The following DPPA2 variants were observed in gnomAD, a reference collection of about 807,000 sequenced individuals.
DPPA2 encodes developmental pluripotency associated 2, also known as developmental pluripotency-associated protein 2.
In DPPA2, 26 loss-of-function variants were observed where a neutral mutation model predicts 36.2. The observed-to-expected ratio is 0.72, with a 90% CI of 0.53 to 1.00. DPPA2 has a LOEUF of 1.00. Among genes scored for constraint, DPPA2 ranks in the 50% least tolerant of loss-of-function variants. The pLI, the probability that DPPA2 is intolerant of heterozygous loss-of-function variation, is 0.00. For synonymous variants in DPPA2, 113 were observed against 123.2 expected, an observed-to-expected ratio of 0.92 and a Z score of 0.55; for missense variants, 361 against 365.1, an observed-to-expected ratio of 0.99 and a Z score of 0.09.
At chr3:109,305,255 A>G (rs1252288030) in intron 6 of DPPA2, among the ~76,000 whole-genome samples, 2 of 152,190 alleles carry the variant, frequency 1.3e-5, no homozygotes, top group African/African-American at 2.4e-5. Context: ...ATTTATGTGT[A>G]TTAATACATT....
intron 6 of DPPA2, 134 bp from the exon 7 acceptor site, chr3:109,304,804 C>G (rs1415799827): frequency 2.4e-6 from 2 of 825,406 alleles, no homozygotes; most frequent in Non-Finnish European, 3.7e-6. Flanking sequence ...AAAACCTAGA[C>G]CACATGACAC....
intron 7 of DPPA2, among the ~76,000 whole-genome samples, chr3:109,301,439 G>A (rs1707455601): frequency 1.3e-5 from 2 of 152,010 alleles, no homozygotes; most frequent in South Asian, 4.1e-4. Flanking sequence ...ATCACTTGAG[G>A]TCAGGCGTTC....
intron 1 of DPPA2, among the ~76,000 whole-genome samples, chr3:109,315,124 C>G (rs1459976790): frequency 6.6e-6 from 1 of 152,102 alleles, no homozygotes; most frequent in African/African-American, 2.4e-5. Context: ...CTGAAAATGA[C>G]AAACACTTGT....
intron 2 of DPPA2, among the ~76,000 whole-genome samples, chr3:109,313,177 A>G (rs1293350580): frequency 1.3e-5 from 2 of 152,214 alleles, no homozygotes; most frequent in Admixed American, 1.3e-4. Flanking sequence ...ATGCTTGTTG[A>G]AAATTATTCA....
intron 3 of DPPA2, among the ~76,000 whole-genome samples, chr3:109,310,393 G>A (rs1184486468): frequency 1.8e-5 from 2 of 108,528 alleles, no homozygotes; most frequent in African/African-American, 8.2e-5. Flanking sequence ...GGGCAATACA[G>A]TGAGACTCTG....
chr3:109,309,208 C>CCCG lies in DPPA2; in HGVS notation c.301_303dup (p.Arg101dup). On this transcript the variant is annotated inframe_insertion, in exon 4 of 9. Transcript: ENST00000478945. Reference sequence around the variant, plus strand: ...CTCAAACCGAGTTGTTGACACCAGTCCCGCAAAGTGTCCCGACACACCTTA... The same window carrying CCCG: ...CTCAAACCGAGTTGTTGACACCAGTCCCGCCGCAAAGTGTCCCGACACACCTTA... The CCCG allele has an allele frequency of 6.2e-7, 1 of 1,614,144 alleles. No homozygotes were observed. Among genetic ancestry groups the CCCG allele is most frequent in the Non-Finnish European group, 8.5e-7 (1 of 1,180,036 alleles).
At chr3:109,304,028 T>A (rs966791025) in intron 7 of DPPA2, among the ~76,000 whole-genome samples, 6 of 151,900 alleles carry the variant, frequency 3.9e-5, no homozygotes, top group Middle Eastern at 3.4e-3. Context: ...TCCCAGCACT[T>A]TGGGAGGCCG....
Position 109,304,603 on chromosome 3 carries a change from C to T in DPPA2, c.726G>A (p.Gln242=), listed in dbSNP as rs770364507. Residue 242 remains glutamine (Q), a synonymous_variant, in exon 7 of 9, where the codon CAG becomes CAA. Coordinates refer to ENST00000478945, the MANE Select transcript of DPPA2 (RefSeq NM_138815.4). ...SADTKGWVRL[Q]FHAGQAWVPT... ...GCACCCAGGCCTGACCTGCATGAAA[C>T]TGCAGGCGTACCCAACCCTTTGTGT... The T allele has an allele frequency of 1.9e-5, 30 of 1,613,940 alleles. No homozygotes were observed. The highest frequency in any genetic ancestry group is 2.5e-5 in the Non-Finnish European group (30 of 1,179,998).
intron 7 of DPPA2, among the ~76,000 whole-genome samples, chr3:109,302,953 CAA>C: frequency 6.6e-6 from 1 of 152,138 alleles, no homozygotes; most frequent in South Asian, 2.1e-4. Context: ...GTCCATGTCC[CAA>C]AAGTTACTGG....
intron 1 of DPPA2, among the ~76,000 whole-genome samples, chr3:109,315,517 G>A (rs962926703): frequency 2.6e-5 from 4 of 152,192 alleles, no homozygotes; most frequent in Non-Finnish European, 4.4e-5. Flanking sequence ...GACACGGAAT[G>A]TGGCAAAATA....
intron 8 of DPPA2, among the ~76,000 whole-genome samples, chr3:109,298,769 C>T (rs1707405143): frequency 6.6e-6 from 1 of 151,430 alleles, no homozygotes; most frequent in South Asian, 2.1e-4. Context: ...TGGCTCACGC[C>T]TGTAATCCCT....
chr3:109,307,803 T>TA (rs1242050801), intron 6 of DPPA2, among the ~76,000 whole-genome samples: 1 of 152,102 alleles, frequency 6.6e-6, no homozygotes, highest in African/African-American at 2.4e-5. Flanking sequence ...AGGTTATGCT[T>TA]AGTGATGGAA....
At chr3:109,299,695 A>AAAAAAG (rs1277348502) in intron 8 of DPPA2, among the ~76,000 whole-genome samples, 498 of 150,116 alleles carry the variant, frequency 3.3e-3, no homozygotes, top group African/African-American at 0.012. Flanking sequence ...TCAAAAAAAA[A>AAAAAAG]AAAAAGAAAA....
At chr3:109,296,712 T>G (rs548881412) in intron 8 of DPPA2, among the ~76,000 whole-genome samples, 2 of 149,460 alleles carry the variant, frequency 1.3e-5, no homozygotes, top group Non-Finnish European at 3.0e-5. Flanking sequence ...AGGAAAGAAA[T>G]GAGAAAATTA....
intron 7 of DPPA2, among the ~76,000 whole-genome samples, 190 bp from the exon 8 acceptor site, chr3:109,300,625 C>T (rs548466199): frequency 4.0e-5 from 6 of 151,892 alleles, no homozygotes; most frequent in Non-Finnish European, 8.8e-5. Context: ...AGTTTGAGAC[C>T]AGCCTGACCA....
At chr3:109,312,932 G>A (rs1190874394) in intron 2 of DPPA2, among the ~76,000 whole-genome samples, 3 of 152,140 alleles carry the variant, frequency 2.0e-5, no homozygotes, top group African/African-American at 7.2e-5. Context: ...AAATAGAAGG[G>A]TAGGGCTTGG....
chr3:109,304,167 G>A (rs1381772219), intron 7 of DPPA2, among the ~76,000 whole-genome samples: 2 of 151,928 alleles, frequency 1.3e-5, no homozygotes, highest in Non-Finnish European at 2.9e-5. Context: ...CTGAGACTCG[G>A]GAGGCTGAGG....
At chr3:109,298,420 A>G (rs557713392) in intron 8 of DPPA2, among the ~76,000 whole-genome samples, 2 of 152,170 alleles carry the variant, frequency 1.3e-5, no homozygotes, top group Admixed American at 6.5e-5. Context: ...TCTCTATAAA[A>G]AAATAATAAA....
At chr3:109,315,734 A>G (rs1306484512) in intron 1 of DPPA2, among the ~76,000 whole-genome samples, 1 of 152,014 alleles carries the variant, frequency 6.6e-6, no homozygotes, top group African/African-American at 2.4e-5. Context: ...CATTCAAAAT[A>G]TTGTCTGGAC....
Sources: gnomAD v4.1 joint callset for allele counts (sites outside exome capture counted in the v4.1 genomes callset) on GRCh38, gnomAD v4.1.1 for gene constraint, MANE v1.5 for transcripts, NCBI Gene and HGNC (gene_info 2026-07-23, HGNC 2026-07-21) for gene names.